MAPK8IP3: variants seen among roughly 807,000 people sequenced by gnomAD.
MAPK8IP3 encodes C-Jun-amino-terminal kinase-interacting protein 3.
A neutral mutation model predicts 157.8 loss-of-function variants in MAPK8IP3; 49 were observed. The ratio of observed to expected loss-of-function variants is 0.31; its 90% confidence interval spans 0.25 to 0.39. The LOEUF is 0.39. MAPK8IP3 is among the 10% of genes least tolerant of loss of function. The pLI, the probability that MAPK8IP3 is intolerant of heterozygous loss-of-function variation, is 1.00. For synonymous variants in MAPK8IP3, 897 were observed against 777.7 expected, an observed-to-expected ratio of 1.15 and a Z score of -2.55; for missense variants, 1,478 against 1,889.4, an observed-to-expected ratio of 0.78 and a Z score of 4.04.
At chr16:1,767,941 G>A (rs763175591) in intron 28 of MAPK8IP3, 23 bp downstream of exon 28, 3 of 1,605,806 alleles carry the variant, frequency 1.9e-6, no homozygotes, top group African/African-American at 2.7e-5. Flanking sequence ...CACACCTGCA[G>A]GGGCAGTGGT....
chr16:1,714,133 T>G (rs1319933898), intron 1 of MAPK8IP3: 1 of 152,292 alleles, frequency 6.6e-6, no homozygotes, highest in Non-Finnish European at 1.5e-5. Context: ...AGGCTGTGTG[T>G]GTCCTTCCCC....
In MAPK8IP3 at chr16:1,743,565, C is replaced by T; in HGVS notation, c.747+89C>T. 1 of 1,523,916 alleles carries T rather than the reference C, an allele frequency of 6.6e-7. No homozygotes were observed. The highest frequency in any genetic ancestry group is 8.7e-7 in the Non-Finnish European group (1 of 1,146,604). 94.4% of individuals were successfully genotyped at this position (1,523,916 alleles called of 1,614,324 possible). ...GGCGGGAGCCTCGTCTGCAGGCAGC[C>T]CTTCACGGCTCTCTGGGCCACTCGC... On this transcript the variant is annotated intron_variant, in intron 5 of 31. Transcript: ENST00000610761. The surrounding 1 kb of genome is among the most constrained non-coding windows in gnomAD (Gnocchi z 5.6).
At chr16:1,715,022 A>G (rs1167379225) in intron 1 of MAPK8IP3, among the ~76,000 whole-genome samples, 1 of 152,068 alleles carries the variant, frequency 6.6e-6, no homozygotes, top group Non-Finnish European at 1.5e-5. Flanking sequence ...ATAAATTTAT[A>G]TATATATTTC....
chr16:1,756,441 C>T (rs181654949), intron 8 of MAPK8IP3, among the ~76,000 whole-genome samples: 123 of 151,704 alleles, frequency 8.1e-4, no homozygotes, highest in African/African-American at 2.7e-3. Flanking sequence ...GGAGGTGGAT[C>T]GCGCCACTTC....
At chr16:1,745,106 A>T (rs1188680958) in intron 5 of MAPK8IP3, 1 of 985,280 alleles carries the variant, frequency 1.0e-6, no homozygotes, top group Non-Finnish European at 1.2e-6. Context: ...GCCTTTAGGT[A>T]AGTTGTGGCC....
In MAPK8IP3 at chr16:1,760,479, G is replaced by A. The variant is rs1164350099; in HGVS notation, c.1404G>A (p.Gln468=). Reference sequence around the variant, plus strand: ...GGGGCGAGTTGGAGGCTGCTAAGCAGGCCAAAGTCAAGCTGGAAAACCGTA... The same window carrying A: ...GGGGCGAGTTGGAGGCTGCTAAGCAAGCCAAAGTCAAGCTGGAAAACCGTA... ...VLRGELEAAK[Q]AKVKLENRIK... is the part of the protein sequence containing the mutation. The change falls in exon 12 of 32, where the codon CAG becomes CAA. Residue 468 remains glutamine (Q), a synonymous_variant. Transcript: ENST00000610761. 2.5e-6 allele frequency: 4 copies of A among 1,613,944 alleles called. No homozygotes were observed. The highest frequency in any genetic ancestry group is 2.5e-6 in the Non-Finnish European group (3 of 1,179,890).
chr16:1,732,350 G>T (rs1159899939), intron 4 of MAPK8IP3, among the ~76,000 whole-genome samples: 1 of 152,250 alleles, frequency 6.6e-6, no homozygotes, highest in Non-Finnish European at 1.5e-5. Context: ...CATCGTGCCT[G>T]CCTGTTCTGG....
Position 1,768,866 on chromosome 16 carries a change from G to A in MAPK8IP3, c.*42G>A, listed in dbSNP as rs757438567. The A allele has an allele frequency of 1.6e-5, 26 of 1,599,806 alleles. No individual in the cohort carries two copies. The highest frequency in any genetic ancestry group is 1.3e-4 in the East Asian group (6 of 44,614). On this transcript the variant is annotated 3_prime_UTR_variant, in exon 32 of 32. Coordinates refer to ENST00000610761, the MANE Select transcript of MAPK8IP3 (RefSeq NM_001318852.2). ...GGCCCGACCTGTACATAGGACCCCCGACCACCTGACCCCCGCCCGGCCCGC... is the reference window on the plus strand; with the variant it reads ...GGCCCGACCTGTACATAGGACCCCCAACCACCTGACCCCCGCCCGGCCCGC...
chr16:1,766,844 C>T (rs961745422), intron 24 of MAPK8IP3, 41 bp downstream of exon 24: 14 of 1,611,920 alleles, frequency 8.7e-6, no homozygotes, highest in Middle Eastern at 1.7e-4. Flanking sequence ...CGCGGGGGAA[C>T]GGGGCGGAGG....
Position 1,746,822 on chromosome 16 carries a change from G to C in MAPK8IP3, c.748-207G>C, listed in dbSNP as rs971329284. ...GTGGCCCTGCTTCCGAGGAGCCGGAGTCAGTGGCCGGATAAGCAGAGCCAC... is the reference window on the plus strand; with the variant it reads ...GTGGCCCTGCTTCCGAGGAGCCGGACTCAGTGGCCGGATAAGCAGAGCCAC... On this transcript the variant is annotated intron_variant, in intron 5 of 31. Coordinates refer to ENST00000610761, the MANE Select transcript of MAPK8IP3 (RefSeq NM_001318852.2). 2.5e-5 allele frequency: 15 copies of C among 607,396 alleles called. No homozygotes were observed. In the African/African-American group the frequency reaches 2.8e-4, roughly 11 times the overall value. The allele number at this position is 607,396 out of a possible 1,614,324, so 37.6% of individuals were successfully genotyped here.
rs565166364 is a variant in MAPK8IP3, at chr16:1,710,784, A to T, written c.318+4127A>T. On this transcript the variant is annotated intron_variant, in intron 1 of 31. Coordinates refer to ENST00000610761, the MANE Select transcript of MAPK8IP3 (RefSeq NM_001318852.2). The surrounding 1 kb of genome is among the most constrained non-coding windows in gnomAD (Gnocchi z 4.1). ...GTTATGATATTAAGAACAGTTTTTT[A>T]AAAAATGTTTTTTAAATGAAGCTAT... 4.6e-4 allele frequency among the ~76,000 whole-genome samples: 70 copies of T among 152,356 alleles called. No individual in the cohort carries two copies. The highest frequency in any genetic ancestry group is 1.5e-3 in the African/African-American group (63 of 41,568).
chr16:1,761,389 C>T (rs1021996131), intron 13 of MAPK8IP3, 84 bp downstream of exon 13: 19 of 1,116,606 alleles, frequency 1.7e-5, no homozygotes, highest in Non-Finnish European at 2.4e-5. Context: ...ACCATTCACA[C>T]ACAGGGTGAC....
intron 17 of MAPK8IP3, 80 bp from the exon 18 acceptor site, chr16:1,764,035 C>G: frequency 7.3e-7 from 1 of 1,373,530 alleles, no homozygotes; most frequent in Non-Finnish European, 9.8e-7. Context: ...CAGAAGCTGG[C>G]AGCCCTACCT....
At chr16:1,725,180 T>C (rs1229959714) in intron 2 of MAPK8IP3, among the ~76,000 whole-genome samples, 1 of 149,136 alleles carries the variant, frequency 6.7e-6, no homozygotes, top group Non-Finnish European at 1.5e-5. Context: ...ATTATTATTA[T>C]TATTATAAGA....
rs1424602772 is a variant in MAPK8IP3 at position 1,765,970 on chromosome 16, C to T, written c.2457C>T (p.Asp819=). The T allele has an allele frequency of 3.7e-6, 6 of 1,611,532 alleles. No homozygotes were observed. The highest frequency in any genetic ancestry group is 5.1e-6 in the Non-Finnish European group (6 of 1,179,154). The change falls in exon 21 of 32, where the codon GAC becomes GAT. Residue 819 remains aspartate (D), a synonymous_variant. Coordinates refer to ENST00000610761, the MANE Select transcript of MAPK8IP3 (RefSeq NM_001318852.2). The stretch of plus-strand genomic sequence containing the variant: ...CGTCCCTCTCCCCAGCGGCCAGCGA[C>T]AGCGACTACCCTCCCGGGGAGATGT... ...LCISSIPAAS[D]SDYPPGEMFL...
intron 14 of MAPK8IP3, 44 bp from the exon 15 acceptor site, chr16:1,762,631 G>A (rs568203353): frequency 1.3e-6 from 2 of 1,542,824 alleles, no homozygotes; most frequent in East Asian, 2.3e-5. Flanking sequence ...GGTAAGGGAG[G>A]CGTGAGGGCA....
rs1175109640 is a variant in MAPK8IP3, at chr16:1,769,595, G to A, written c.*771G>A. On this transcript the variant is annotated 3_prime_UTR_variant, in exon 32 of 32. Transcript: ENST00000610761. ...GACTCACCTTGGAGGAGTGGGCCCTGGAGTCCTGTCCCTCCCAGAAGCCCC... is the reference window on the plus strand; with the variant it reads ...GACTCACCTTGGAGGAGTGGGCCCTAGAGTCCTGTCCCTCCCAGAAGCCCC... 1 of 152,498 alleles carries A rather than the reference G, an allele frequency of 6.6e-6. No homozygotes were observed. Among genetic ancestry groups the A allele is most frequent in the African/African-American group, 2.4e-5 (1 of 41,434 alleles). The allele number at this position is 152,498 out of a possible 1,614,324, so 9.4% of individuals were successfully genotyped here. A position where few individuals can be genotyped will look rare whatever the true frequency, so the allele number is the denominator to read the frequency against.
At chr16:1,764,642 G>A (rs534108633) in intron 19 of MAPK8IP3, among the ~76,000 whole-genome samples, 183 bp downstream of exon 19, 3 of 152,316 alleles carry the variant, frequency 2.0e-5, no homozygotes, top group Non-Finnish European at 4.4e-5. Context: ...CGCCTTCTGG[G>A]TTTTCAGTTT....
Position 1,768,889 on chromosome 16 carries a change from C to A in MAPK8IP3, c.*65C>A. 1 of 1,575,552 alleles carries A rather than the reference C, an allele frequency of 6.3e-7. No homozygotes were observed. The highest frequency in any genetic ancestry group is 8.6e-7 in the Non-Finnish European group (1 of 1,159,812). On this transcript the variant is annotated 3_prime_UTR_variant, in exon 32 of 32. Transcript: ENST00000610761. The stretch of plus-strand genomic sequence containing the variant: ...CCGACCACCTGACCCCCGCCCGGCC[C>A]GCGGGGTAGCCAGCCAGGCGCCGCC...
Sources: gnomAD v4.1 joint callset for allele counts (sites outside exome capture counted in the v4.1 genomes callset) on GRCh38, gnomAD v4.1.1 for gene constraint, Gnocchi (gnomAD v3.1) non-coding constraint, MANE v1.5 for transcripts, NCBI Gene and HGNC (gene_info 2026-07-23, HGNC 2026-07-21) for gene names.